Variants in CNKSR2 observed in about 807,000 individuals in gnomAD.
CNKSR2 encodes CNK homolog protein 2.
In CNKSR2, 14 loss-of-function variants were observed where a neutral mutation model predicts 84.4. The ratio of observed to expected loss-of-function variants is 0.17; its 90% CI spans 0.11 to 0.26. CNKSR2 has a LOEUF of 0.26. CNKSR2 is among the 10% of genes least tolerant of loss of function. The pLI, the probability that CNKSR2 is intolerant of heterozygous loss-of-function variation, is 1.00. For synonymous variants in CNKSR2, 275 were observed against 277.9 expected (o/e 0.99, Z 0.10); for missense variants, 485 against 771.2 (o/e 0.63, Z 4.40).
chrX:21,444,427 T>A (rs2090824909), intron 4 of CNKSR2, among the ~76,000 whole-genome samples: 1 of 111,640 alleles, frequency 9.0e-6, no homozygotes, highest in African/African-American at 3.2e-5. Context: ...TCCAAGTTCA[T>A]CATCCTGGCT....
rs762621213 is a variant in CNKSR2 at position 21,400,751 on chromosome X, A to G, written c.65-25746A>G. On this transcript the variant is annotated intron_variant, in intron 1 of 21. Coordinates refer to ENST00000379510, the MANE Select transcript of CNKSR2 (RefSeq NM_014927.5). Reference sequence around the variant, plus strand: ...AAACATTTCTATTGAAAACTGTTCTATGAACAAAAAGTTCATAGGTTGTTG... The same window carrying G: ...AAACATTTCTATTGAAAACTGTTCTGTGAACAAAAAGTTCATAGGTTGTTG... Among the ~76,000 whole-genome samples, 8 of 111,520 alleles carry G rather than the reference A, an allele frequency of 7.2e-5. No homozygotes were observed. The South Asian group carries it at 1.9e-3, about 26-fold the overall frequency.
intron 9 of CNKSR2, among the ~76,000 whole-genome samples, chrX:21,520,696 T>G (rs998551324): frequency 2.5e-4 from 27 of 109,132 alleles, no homozygotes; most frequent in Middle Eastern, 4.7e-3. Flanking sequence ...CAGCTTTTTT[T>G]TTTTTTGGTG....
At chrX:21,569,421 C>T (rs1157231886) in intron 13 of CNKSR2, among the ~76,000 whole-genome samples, 1 of 111,865 alleles carries the variant, frequency 8.9e-6, no homozygotes, top group East Asian at 2.8e-4. Context: ...ATTATATCCA[C>T]AGTAGAACTT....
intron 13 of CNKSR2, among the ~76,000 whole-genome samples, chrX:21,564,211 G>A (rs2147192996): frequency 9.0e-6 from 1 of 111,353 alleles, no homozygotes; most frequent in East Asian, 2.8e-4. Flanking sequence ...CATAGGTAAA[G>A]GTTAGATGAG....
At chrX:21,379,426 C>T (rs2089866360) in intron 1 of CNKSR2, among the ~76,000 whole-genome samples, 1 of 111,215 alleles carries the variant, frequency 9.0e-6, no homozygotes, top group Non-Finnish European at 1.9e-5. Flanking sequence ...AAATTGGCAC[C>T]AACAATTGTC....
At chrX:21,394,796 AATT>A (rs1467068956) in intron 1 of CNKSR2, among the ~76,000 whole-genome samples, 2 of 112,064 alleles carry the variant, frequency 1.8e-5, no homozygotes, top group Admixed American at 9.5e-5. Flanking sequence ...TAGTGATCAA[AATT>A]ATTATTAAAC....
chrX:21,387,055 A>C (rs145719802), intron 1 of CNKSR2, among the ~76,000 whole-genome samples: 1,494 of 112,472 alleles, frequency 0.013, 20 homozygotes, highest in African/African-American at 0.046. Flanking sequence ...GTGAATCTCC[A>C]TCTACATTAA....
At chrX:21,504,025 A>G (rs1381989774) in intron 8 of CNKSR2, 1 of 111,239 alleles carries the variant, frequency 9.0e-6, no homozygotes, top group Non-Finnish European at 1.9e-5. Flanking sequence ...ATGAAAGTAG[A>G]CTTTTTTAAT....
At chrX:21,454,664 G>C (rs1236917356) in intron 4 of CNKSR2, among the ~76,000 whole-genome samples, 1 of 112,138 alleles carries the variant, frequency 8.9e-6, no homozygotes, top group Non-Finnish European at 1.9e-5. Context: ...GACCTAAAAG[G>C]ACGTGAAGAT....
rs2092723993 is a variant in CNKSR2 at position 21,652,772 on chromosome X, G to A, written c.*251G>A. 3 of 278,579 alleles carry A rather than the reference G, an allele frequency of 1.1e-5. No homozygotes were observed. In the Admixed American group the frequency reaches 1.9e-4, roughly 17 times the overall value. 23.0% of individuals were successfully genotyped at this position (278,579 alleles called of 1,213,427 possible). ...CTTTAATGACTTAAAATTAACTTTTGCAAACAATTCTAAATACAGGTGGTC... is the reference window on the plus strand; with the variant it reads ...CTTTAATGACTTAAAATTAACTTTTACAAACAATTCTAAATACAGGTGGTC... On this transcript the variant is annotated 3_prime_UTR_variant, in exon 22 of 22. Transcript: ENST00000379510.
intron 5 of CNKSR2, among the ~76,000 whole-genome samples, chrX:21,486,005 T>C (rs1258062008): frequency 9.0e-6 from 1 of 110,937 alleles, no homozygotes; most frequent in Non-Finnish European, 1.9e-5. Context: ...CGTGGTGGCG[T>C]GAGCCTGTAG....
chrX:21,500,413 G>T (rs2091547146), intron 7 of CNKSR2, among the ~76,000 whole-genome samples: 1 of 111,102 alleles, frequency 9.0e-6, no homozygotes, highest in South Asian at 3.7e-4. Context: ...ATTGTACTTT[G>T]CAGATTACAT....
intron 11 of CNKSR2, among the ~76,000 whole-genome samples, chrX:21,554,311 A>G (rs1262076342): frequency 8.9e-6 from 1 of 112,118 alleles, no homozygotes; most frequent in Non-Finnish European, 1.9e-5. Context: ...ATACACAACC[A>G]CAATGGAGCT....
chrX:21,449,442 G>A lies in CNKSR2; in HGVS notation c.519+8661G>A, dbSNP rs940210433. 2.7e-5 allele frequency among the ~76,000 whole-genome samples: 3 copies of A among 110,355 alleles called. No individual in the cohort carries two copies. The East Asian group carries it at 8.5e-4, about 31-fold the overall frequency. ...CTAAAAAAAAACACTAATAACCCAT[G>A]AAATGAAGAGATACAGCCTGGAAAA... On this transcript the variant is annotated intron_variant, in intron 4 of 21. Coordinates refer to ENST00000379510, the MANE Select transcript of CNKSR2 (RefSeq NM_014927.5).
intron 3 of CNKSR2, among the ~76,000 whole-genome samples, chrX:21,434,563 T>C (rs1199611464): frequency 2.7e-5 from 3 of 111,721 alleles, no homozygotes; most frequent in Non-Finnish European, 5.7e-5. Context: ...GATCTTTAAC[T>C]TTAGTTTATT....
Position 21,374,996 on chromosome X carries a change from G to C in CNKSR2, c.64+35G>C, listed in dbSNP as rs771737213. 17 of 1,110,013 alleles carry C rather than the reference G, an allele frequency of 1.5e-5. No homozygotes were observed. The African/African-American group carries it at 2.5e-4, about 16-fold the overall frequency. The allele number at this position is 1,110,013 out of a possible 1,213,427, so 91.5% of individuals were successfully genotyped here. On this transcript the variant is annotated intron_variant, in intron 1 of 21. Coordinates refer to ENST00000379510, the MANE Select transcript of CNKSR2 (RefSeq NM_014927.5). ...GCTGCGGGGAGGGTGAGGCGGCACT[G>C]GGGCGCGGGGCACCAGTGCGAGGTT...
chrX:21,516,676 A>T, intron 9 of CNKSR2, 45 bp downstream of exon 9: 2 of 1,095,839 alleles, frequency 1.8e-6, no homozygotes, highest in Non-Finnish European at 2.5e-6. Flanking sequence ...TTTTAGCCAT[A>T]GATTATCTCA....
At chrX:21,435,465 A>G (rs934584462) in intron 3 of CNKSR2, among the ~76,000 whole-genome samples, 1 of 111,629 alleles carries the variant, frequency 9.0e-6, no homozygotes, top group Non-Finnish European at 1.9e-5. Context: ...TTCAAAGACC[A>G]GCTCCTTACA....
intron 6 of CNKSR2, 113 bp downstream of exon 6, chrX:21,490,691 T>C: frequency 1.2e-6 from 1 of 813,642 alleles, no homozygotes; most frequent in Non-Finnish European, 1.6e-6. Flanking sequence ...ACTGAACATT[T>C]TGGTATTTTT....
Sources: allele counts gnomAD v4.1 joint callset (sites outside exome capture counted in the v4.1 genomes callset), GRCh38; gene constraint gnomAD v4.1.1; transcripts MANE v1.5; gene names NCBI Gene and HGNC (gene_info 2026-07-23, HGNC 2026-07-21).